The following CCSER1 variants were observed in gnomAD, a reference collection of about 807,000 sequenced individuals.
The protein encoded by CCSER1 is coiled-coil serine rich protein 1.
Under a neutral mutation model 82.0 loss-of-function variants are expected in CCSER1, and 41 were observed. That is an observed-to-expected ratio of 0.50 (90% CI 0.39 to 0.65). The LOEUF (loss-of-function observed/expected upper bound fraction) is 0.65, where lower values mean the gene tolerates loss of function less well. CCSER1 is among the 30% of genes least tolerant of loss of function. CCSER1 has a pLI of 0.00. For missense variants in CCSER1, 1,119 were observed against 1,064.2 expected, an observed-to-expected ratio of 1.05 and a Z score of -0.72; for synonymous variants, 414 against 383.9, an observed-to-expected ratio of 1.08 and a Z score of -0.92.
At chr4:90,959,296 G>T (rs1238793947) in intron 9 of CCSER1, among the ~76,000 whole-genome samples, 1 of 152,072 alleles carries the variant, frequency 6.6e-6, no homozygotes, top group Non-Finnish European at 1.5e-5. Flanking sequence ...TCTATAATAC[G>T]TGTCAATAAT....
At chr4:91,580,090 A>G (rs1763655671) in intron 10 of CCSER1, among the ~76,000 whole-genome samples, 1 of 151,872 alleles carries the variant, frequency 6.6e-6, no homozygotes, top group African/African-American at 2.4e-5. Flanking sequence ...CAGCTTAAGG[A>G]TAGAAATGAT....
intron 1 of CCSER1, among the ~76,000 whole-genome samples, chr4:90,272,670 A>C (rs186935682): frequency 1.3e-5 from 2 of 152,362 alleles, no homozygotes; most frequent in East Asian, 3.9e-4. Context: ...ACATTTATCA[A>C]CTGATGAATA....
chr4:91,155,794 A>C (rs1485130892), intron 10 of CCSER1, among the ~76,000 whole-genome samples: 2 of 151,948 alleles, frequency 1.3e-5, no homozygotes. Flanking sequence ...AAACAGTAAA[A>C]ATTAATGTAA....
intron 1 of CCSER1, 108 bp from the exon 2 acceptor site, chr4:90,308,136 T>C (rs563905603): frequency 1.2e-6 from 1 of 857,552 alleles, no homozygotes; most frequent in African/African-American, 1.7e-5. Flanking sequence ...ATCGTCTTAG[T>C]ATAAACTAAA....
intron 4 of CCSER1, among the ~76,000 whole-genome samples, chr4:90,462,864 C>A (rs879098048): frequency 6.6e-6 from 1 of 152,150 alleles, no homozygotes; most frequent in Admixed American, 6.6e-5. Flanking sequence ...AACCCAAGTG[C>A]AAGATTATTA....
intron 1 of CCSER1, among the ~76,000 whole-genome samples, chr4:90,226,654 C>G (rs115954594): frequency 0.012 from 1,897 of 152,314 alleles, 27 homozygotes; most frequent in African/African-American, 0.036. Context: ...ATGAAGCTTT[C>G]TTTACAGGTG....
At chr4:90,847,807 T>C (rs2149909326) in intron 8 of CCSER1, among the ~76,000 whole-genome samples, 1 of 152,330 alleles carries the variant, frequency 6.6e-6, no homozygotes, top group East Asian at 1.9e-4. Flanking sequence ...TTGTTGCTTT[T>C]AGATTTTTTG....
chr4:90,203,225 T>C (rs1168804893), intron 1 of CCSER1, among the ~76,000 whole-genome samples: 1 of 152,212 alleles, frequency 6.6e-6, no homozygotes, highest in African/African-American at 2.4e-5. Context: ...GACTTTAAGT[T>C]CTGGGATACA....
chr4:91,518,131 C>A (rs1323379561), intron 10 of CCSER1, among the ~76,000 whole-genome samples: 3 of 152,192 alleles, frequency 2.0e-5, no homozygotes, highest in Admixed American at 1.3e-4. Context: ...CTGCATGCAG[C>A]AGCTCTGGGG....
chr4:90,331,833 T>A (rs558665636), intron 3 of CCSER1, among the ~76,000 whole-genome samples: 60 of 146,794 alleles, frequency 4.1e-4, no homozygotes, highest in Middle Eastern at 3.6e-3. Context: ...TTTTTTTTTT[T>A]AAACTTTGAA....
At chr4:90,314,581 C>T (rs943449298) in intron 3 of CCSER1, among the ~76,000 whole-genome samples, 1 of 151,584 alleles carries the variant, frequency 6.6e-6, no homozygotes, top group Non-Finnish European at 1.5e-5. Context: ...ATATTGAGAA[C>T]TCATCTCTAA....
At chr4:90,757,505 T>C (rs1187914007) in intron 7 of CCSER1, among the ~76,000 whole-genome samples, 2 of 152,210 alleles carry the variant, frequency 1.3e-5, no homozygotes, top group African/African-American at 2.4e-5. Context: ...GTTTGGTCTA[T>C]TGGGCCTTGT....
chr4:91,057,660 C>T (rs1323802273), intron 9 of CCSER1, among the ~76,000 whole-genome samples: 1 of 152,112 alleles, frequency 6.6e-6, no homozygotes, highest in Non-Finnish European at 1.5e-5. Context: ...TAAGAACAAG[C>T]TTACCCACTC....
chr4:90,402,967 G>A (rs1009793041), intron 4 of CCSER1, among the ~76,000 whole-genome samples: 2 of 152,128 alleles, frequency 1.3e-5, no homozygotes, highest in Non-Finnish European at 2.9e-5. Flanking sequence ...CAAGATAAAT[G>A]GTATTAGTTT....
chr4:90,156,669 T>C (rs1728261219), intron 1 of CCSER1, among the ~76,000 whole-genome samples: 1 of 152,224 alleles, frequency 6.6e-6, no homozygotes, highest in Non-Finnish European at 1.5e-5. Flanking sequence ...GTTTAAAGTC[T>C]GTTTTATCCG....
chr4:91,296,872 T>C (rs1424183938), intron 10 of CCSER1, among the ~76,000 whole-genome samples: 1 of 151,742 alleles, frequency 6.6e-6, no homozygotes, highest in Non-Finnish European at 1.5e-5. Flanking sequence ...TCTTTTTTAC[T>C]TAGCACAGTT....
At chr4:90,427,697 T>A (rs994958941) in intron 4 of CCSER1, among the ~76,000 whole-genome samples, 17 of 151,834 alleles carry the variant, frequency 1.1e-4, no homozygotes, top group African/African-American at 3.9e-4. Context: ...TTAGAGAATA[T>A]GCACATGATC....
chr4:90,856,982 G>A (rs1210511699), intron 8 of CCSER1, among the ~76,000 whole-genome samples: 1 of 145,584 alleles, frequency 6.9e-6, no homozygotes, highest in African/African-American at 2.5e-5. Flanking sequence ...GACTTTTTTT[G>A]TTTTTCCTTA....
intron 5 of CCSER1, among the ~76,000 whole-genome samples, chr4:90,483,898 C>T (rs998046536): frequency 1.3e-5 from 2 of 152,036 alleles, no homozygotes; most frequent in African/African-American, 2.4e-5. Context: ...TCTCTGTATT[C>T]ACTGAATGTG....
Sources: gnomAD v4.1 joint callset for allele counts (sites outside exome capture counted in the v4.1 genomes callset) on GRCh38, gnomAD v4.1.1 for gene constraint, MANE v1.5 for transcripts, NCBI Gene and HGNC (gene_info 2026-07-23, HGNC 2026-07-21) for gene names.